Variants in DAAM1 observed in about 807,000 individuals in gnomAD.
DAAM1 encodes dishevelled associated activator of morphogenesis 1, also known as disheveled-associated activator of morphogenesis 1.
A neutral mutation model predicts 130.0 loss-of-function variants in DAAM1; 52 were observed. The observed-to-expected ratio is 0.40, with a 90% CI of 0.32 to 0.50. DAAM1 has a LOEUF of 0.50. Among genes scored for constraint, DAAM1 ranks in the 20% least tolerant of loss-of-function variants. The probability of loss-of-function intolerance (pLI) is 0.61; values close to 1 mark genes in which losing one functional copy is unlikely to be tolerated. For synonymous variants in DAAM1, 452 were observed against 444.5 expected (o/e 1.02, Z -0.21); for missense variants, 1,134 against 1,303.8 (o/e 0.87, Z 2.01).
At position 59,195,739 on chromosome 14, in the gene DAAM1, T is replaced by C. The variant is rs773517641; in HGVS notation, c.-38+6971T>C. Among the ~76,000 whole-genome samples, 61 of 152,264 alleles carry C rather than the reference T, an allele frequency of 4.0e-4. 1 individual carries two copies. Among genetic ancestry groups the C allele is most frequent in the Non-Finnish European group, 7.6e-4 (52 of 68,020 alleles). On this transcript the variant is annotated intron_variant, in intron 1 of 24. Coordinates refer to ENST00000360909, the MANE Select transcript of DAAM1 (RefSeq NM_001270520.2). Reference sequence around the variant, plus strand: ...GGTAATACAGATGCCCATCTTTTATTTTCTGAGATAGGTTCTTATATTCTG... The same window carrying C: ...GGTAATACAGATGCCCATCTTTTATCTTCTGAGATAGGTTCTTATATTCTG...
intron 14 of DAAM1, 80 bp downstream of exon 14, chr14:59,331,588 C>T: frequency 6.6e-7 from 1 of 1,513,180 alleles, no homozygotes; most frequent in South Asian, 1.4e-5. Flanking sequence ...GAAAACAGCC[C>T]TGGCTGTTAA....
At position 59,322,942 on chromosome 14, in the gene DAAM1, T is replaced by C. The variant is rs1370533873; in HGVS notation, c.491T>C (p.Phe164Ser). Residue 164 changes from phenylalanine to serine, a missense_variant, in exon 6 of 25, where the codon TTT (phenylalanine) becomes TCT (serine). Physicochemically the swap from Phe to Ser is radical, Grantham distance 155. Transcript: ENST00000360909. ...DLDGLSCILN[F>S]LKTMDYETSE... ...GATGGCCTATCATGTATCCTCAACT[T>C]TCTAAAGACCATGGACTACGAGACC... The C allele has an allele frequency of 6.2e-7, 1 of 1,614,064 alleles. No homozygotes were observed.
At chr14:59,366,546 T>C (rs1886924336) in intron 23 of DAAM1, among the ~76,000 whole-genome samples, 1 of 152,220 alleles carries the variant, frequency 6.6e-6, no homozygotes, top group Non-Finnish European at 1.5e-5. Flanking sequence ...GTTTTATGTC[T>C]AGGGTGCTAT....
intron 3 of DAAM1, among the ~76,000 whole-genome samples, chr14:59,302,990 A>G (rs1374678716): frequency 6.6e-6 from 1 of 152,140 alleles, no homozygotes; most frequent in African/African-American, 2.4e-5. Context: ...TCCTTTTAAC[A>G]GCTCTGGTGC....
At chr14:59,197,584 TCC>T (rs1490662419) in intron 1 of DAAM1, among the ~76,000 whole-genome samples, 2 of 152,248 alleles carry the variant, frequency 1.3e-5, no homozygotes, top group African/African-American at 2.4e-5. Flanking sequence ...AGGTAACACT[TCC>T]AACTATGGAA....
At chr14:59,237,970 T>C (rs1485853410) in intron 1 of DAAM1, among the ~76,000 whole-genome samples, 1 of 152,230 alleles carries the variant, frequency 6.6e-6, no homozygotes, top group Non-Finnish European at 1.5e-5. Flanking sequence ...GATCTTTCCA[T>C]CATTGAAGCC....
intron 2 of DAAM1, among the ~76,000 whole-genome samples, chr14:59,276,939 C>T (rs1238488277): frequency 2.6e-5 from 4 of 152,054 alleles, no homozygotes; most frequent in Admixed American, 2.0e-4. Context: ...TGTCCTCAGA[C>T]CTTATCTAAA....
intron 1 of DAAM1, among the ~76,000 whole-genome samples, chr14:59,251,116 A>G (rs1419188932): frequency 6.6e-6 from 1 of 152,236 alleles, no homozygotes; most frequent in Admixed American, 6.5e-5. Flanking sequence ...GACAACATTT[A>G]TTAAAACATT....
At chr14:59,287,479 G>A (rs1030677475) in intron 2 of DAAM1, among the ~76,000 whole-genome samples, 51 of 152,228 alleles carry the variant, frequency 3.4e-4, no homozygotes, top group Non-Finnish European at 4.1e-4. Context: ...AAATAAGAGA[G>A]GAAGTCAAAC....
chr14:59,302,829 T>C (rs1041035954), intron 3 of DAAM1, among the ~76,000 whole-genome samples: 3 of 152,056 alleles, frequency 2.0e-5, no homozygotes, highest in Admixed American at 6.6e-5. Context: ...GATTTTTGTA[T>C]TTTTAGTAGA....
At chr14:59,289,369 G>A (rs1883615338) in intron 2 of DAAM1, among the ~76,000 whole-genome samples, 1 of 152,132 alleles carries the variant, frequency 6.6e-6, no homozygotes, top group Admixed American at 6.5e-5. Context: ...TTTGGGTGGG[G>A]TTGCAGAGCC....
intron 1 of DAAM1, among the ~76,000 whole-genome samples, chr14:59,198,858 C>T (rs772634085): frequency 6.6e-6 from 1 of 152,224 alleles, no homozygotes; most frequent in African/African-American, 2.4e-5. Flanking sequence ...GTAATCGTGG[C>T]AATTCCTTTA....
intron 1 of DAAM1, among the ~76,000 whole-genome samples, chr14:59,221,478 GC>G (rs1487287363): frequency 6.6e-6 from 1 of 152,166 alleles, no homozygotes; most frequent in African/African-American, 2.4e-5. Context: ...TTTGCCTTCA[GC>G]TGGTTATGAT....
intron 1 of DAAM1, among the ~76,000 whole-genome samples, chr14:59,197,205 C>T (rs1037602487): frequency 3.3e-5 from 5 of 152,344 alleles, no homozygotes; most frequent in Admixed American, 2.6e-4. Context: ...CAGGCGTGAG[C>T]CACCGCGGGA....
chr14:59,214,926 T>C (rs1369182704), intron 1 of DAAM1, among the ~76,000 whole-genome samples: 1 of 152,230 alleles, frequency 6.6e-6, no homozygotes, highest in African/African-American at 2.4e-5. Flanking sequence ...CAAATGGTTT[T>C]CTAAAGTGAC....
chr14:59,238,659 T>A (rs960589423), intron 1 of DAAM1, among the ~76,000 whole-genome samples: 1 of 152,198 alleles, frequency 6.6e-6, no homozygotes, highest in Admixed American at 6.5e-5. Flanking sequence ...ACCCTTCACG[T>A]ATAACCCCTG....
At position 59,313,538 on chromosome 14, in the gene DAAM1, C is replaced by G. The variant is rs573687060; in HGVS notation, c.274-1742C>G. On this transcript the variant is annotated intron_variant, in intron 3 of 24. Transcript: ENST00000360909. ...TGTTAAATATTAAGCTTACAACAGA[C>G]AGGCTCTTGTGGGACCTCAGTCATG... is the stretch of plus-strand genomic sequence containing the variant. Among the ~76,000 whole-genome samples, 7 of 152,328 alleles carry G rather than the reference C, an allele frequency of 4.6e-5. No homozygotes were observed. In the South Asian group the frequency reaches 1.4e-3, roughly 32 times the overall value.
chr14:59,204,889 A>C (rs1888214792), intron 1 of DAAM1, among the ~76,000 whole-genome samples: 1 of 152,148 alleles, frequency 6.6e-6, no homozygotes, highest in Non-Finnish European at 1.5e-5. Flanking sequence ...TAAATAAGTA[A>C]ATAAAAATCA....
At chr14:59,223,113 T>C (rs890997365) in intron 1 of DAAM1, among the ~76,000 whole-genome samples, 5 of 152,208 alleles carry the variant, frequency 3.3e-5, no homozygotes, top group Non-Finnish European at 4.4e-5. Context: ...CATGAGGCCA[T>C]AGGTGCAGGC....
Sources: allele counts gnomAD v4.1 joint callset (sites outside exome capture counted in the v4.1 genomes callset), GRCh38; gene constraint gnomAD v4.1.1; transcripts MANE v1.5; gene names NCBI Gene and HGNC (gene_info 2026-07-23, HGNC 2026-07-21).